LRRK2: variants seen among roughly 807,000 people sequenced by gnomAD.
LRRK2 encodes the protein leucine rich repeat kinase 2, also known as leucine-rich repeat serine/threonine-protein kinase 2.
A neutral mutation model predicts 302.6 loss-of-function variants in LRRK2; 203 were observed. That is an observed-to-expected ratio of 0.67 (90% CI 0.60 to 0.75). The LOEUF (loss-of-function observed/expected upper bound fraction) is 0.75. LRRK2 is among the 30% of genes least tolerant of loss of function. The pLI is 0.00. For synonymous variants in LRRK2, 1,066 were observed against 1,031.9 expected, an observed-to-expected ratio of 1.03 and a Z score of -0.63; for missense variants, 2,830 against 2,951.0, an observed-to-expected ratio of 0.96 and a Z score of 0.95.
chr12:40,240,736 C>A, intron 6 of LRRK2, 119 bp downstream of exon 6: 2 of 1,007,460 alleles, frequency 2.0e-6, no homozygotes, highest in Admixed American at 2.2e-5. Flanking sequence ...TCAACCCATT[C>A]ATTCATTTAT....
At chr12:40,339,095 G>A (rs1188586763) in intron 40 of LRRK2, among the ~76,000 whole-genome samples, 1 of 152,128 alleles carries the variant, frequency 6.6e-6, no homozygotes, top group Non-Finnish European at 1.5e-5. Flanking sequence ...TACTCTCCAG[G>A]CCCTCATACA....
intron 41 of LRRK2, among the ~76,000 whole-genome samples, chr12:40,345,516 G>A (rs761814898): frequency 6.0e-5 from 9 of 150,944 alleles, no homozygotes; most frequent in Non-Finnish European, 4.4e-5. Context: ...CCAGCTACTC[G>A]GGAGGCTGAG....
intron 10 of LRRK2, 126 bp from the exon 11 acceptor site, chr12:40,252,784 G>A (rs1286737665): frequency 1.5e-6 from 1 of 683,748 alleles, no homozygotes; most frequent in Non-Finnish European, 2.7e-6. Context: ...TCTTGTAAGT[G>A]GAGGTGGCAT....
intron 41 of LRRK2, among the ~76,000 whole-genome samples, chr12:40,345,250 T>C (rs1391994972): frequency 6.6e-6 from 1 of 152,208 alleles, no homozygotes; most frequent in Non-Finnish European, 1.5e-5. Context: ...TATTGGGATG[T>C]ATTTCTTCCT....
intron 33 of LRRK2, 137 bp from the exon 34 acceptor site, chr12:40,319,851 A>G: frequency 2.8e-6 from 2 of 709,234 alleles, no homozygotes; most frequent in South Asian, 4.6e-5. Context: ...TGCTAGAGAA[A>G]TTAGGTACTG....
chr12:40,362,385 T>A (rs541469778), intron 47 of LRRK2, among the ~76,000 whole-genome samples: 125 of 152,222 alleles, frequency 8.2e-4, no homozygotes, highest in Non-Finnish European at 1.5e-3. Flanking sequence ...TTTTACATAT[T>A]CCTCGTTGTT....
intron 24 of LRRK2, among the ~76,000 whole-genome samples, chr12:40,298,765 T>G (rs1944479744): frequency 1.6e-5 from 1 of 61,934 alleles, no homozygotes; most frequent in South Asian, 7.6e-4. Context: ...GAGGCGAGAC[T>G]CTGTCTCAAA....
chr12:40,233,883 T>A (rs1355806376), intron 3 of LRRK2, among the ~76,000 whole-genome samples: 1 of 152,240 alleles, frequency 6.6e-6, no homozygotes, highest in East Asian at 1.9e-4. Flanking sequence ...ATTCATTGAA[T>A]GTTTTTGAAG....
At chr12:40,352,889 T>A (rs1233572953) in intron 44 of LRRK2, among the ~76,000 whole-genome samples, 5 of 152,174 alleles carry the variant, frequency 3.3e-5, no homozygotes, top group African/African-American at 1.2e-4. Flanking sequence ...ACAATCTGAT[T>A]TCTGTATCTT....
chr12:40,334,260 A>C (rs1006614610), intron 39 of LRRK2, among the ~76,000 whole-genome samples: 1 of 152,158 alleles, frequency 6.6e-6, no homozygotes, highest in African/African-American at 2.4e-5. Context: ...CACTGTGTGC[A>C]CTGTTTCTGC....
intron 5 of LRRK2, among the ~76,000 whole-genome samples, chr12:40,239,095 A>T (rs1941603819): frequency 6.6e-6 from 1 of 152,180 alleles, no homozygotes; most frequent in Non-Finnish European, 1.5e-5. Context: ...GATAAAAGTA[A>T]ACCTATTATT....
rs988913748 is a variant in LRRK2 at position 40,225,764 on chromosome 12, A to C, written c.237+124A>C. On this transcript the variant is annotated intron_variant, in intron 2 of 50. Transcript: ENST00000298910. ...CAAAATTTGGCTTGAGGAACCTCTGACTGTGATTTTAAGATGGGAATATTG... is the reference window on the plus strand; with the variant it reads ...CAAAATTTGGCTTGAGGAACCTCTGCCTGTGATTTTAAGATGGGAATATTG... 3.8e-6 allele frequency: 3 copies of C among 781,416 alleles called. No individual in the cohort carries two copies. The African/African-American group carries it at 5.2e-5, about 13-fold the overall frequency. The allele number at this position is 781,416 out of a possible 1,614,324, so 48.4% of individuals were successfully genotyped here. A position where few individuals can be genotyped will look rare whatever the true frequency, so the allele number is the denominator to read the frequency against.
intron 23 of LRRK2, among the ~76,000 whole-genome samples, chr12:40,296,558 G>A (rs1468019320): frequency 6.6e-6 from 1 of 151,942 alleles, no homozygotes; most frequent in East Asian, 1.9e-4. Context: ...CCTGATCCTG[G>A]GAGGCAGAGG....
intron 18 of LRRK2, among the ~76,000 whole-genome samples, chr12:40,283,017 A>G (rs530668549): frequency 6.6e-6 from 1 of 151,456 alleles, no homozygotes; most frequent in South Asian, 2.1e-4. Flanking sequence ...AAATGGGAGT[A>G]ATAATTGCTA....
chr12:40,237,903 T>TA, intron 4 of LRRK2, 66 bp from the exon 5 acceptor site: 1 of 1,517,846 alleles, frequency 6.6e-7, no homozygotes, highest in Non-Finnish European at 9.0e-7. Flanking sequence ...TTAATTCATG[T>TA]AAAAATTAAC....
chr12:40,295,289 A>C lies in LRRK2; in HGVS notation c.2879-138A>C, dbSNP rs1944336439. 4.1e-6 allele frequency: 3 copies of C among 738,108 alleles called. No individual in the cohort carries two copies. The African/African-American group carries it at 5.3e-5, about 13-fold the overall frequency. The allele number at this position is 738,108 out of a possible 1,614,324, so 45.7% of individuals were successfully genotyped here. On this transcript the variant is annotated intron_variant, in intron 22 of 50. Transcript: ENST00000298910. ...GTTCATCTCTGCCACTGGAATGTAA[A>C]CTCCATAGTTTGGTTTTCTACTGAA...
In LRRK2 at chr12:40,322,392, G is replaced by T. The variant is rs778789162; in HGVS notation, c.5391G>T (p.Glu1797Asp). The T allele has an allele frequency of 6.8e-6, 11 of 1,613,534 alleles. No homozygotes were observed. In the African/African-American group the frequency reaches 9.3e-5, roughly 14 times the overall value. ...AAGAATGGTTTCCTGGGTTGCTGGA[G>T]ATTGATATTTGTGGTGAAGGAGAAA... ...LMEEWFPGLL[E>D]IDICGEGETL... The change falls in exon 37 of 51, where the codon GAG becomes GAT. Residue 1797 changes from glutamate to aspartate, a missense_variant. Around this residue, in one of 3 missense-constraint regions of LRRK2, gnomAD observed 2,121 missense variants for 2,148.0 expected, o/e 0.99. Coordinates refer to ENST00000298910, the MANE Select transcript of LRRK2 (RefSeq NM_198578.4).
In LRRK2 at chr12:40,303,941, G is replaced by A; in HGVS notation, c.3591-7G>A. 6.2e-7 allele frequency: 1 copy of A among 1,613,254 alleles called. No individual in the cohort carries two copies. The highest frequency in any genetic ancestry group is 8.5e-7 in the Non-Finnish European group (1 of 1,179,428). ...TTGGTTTATGTCTTTTCTGTGTATT[G>A]TTTTAGCTTGCGGTCTTTAGATATG... On this transcript the variant is annotated splice_polypyrimidine_tract_variant and splice_region_variant and intron_variant, in intron 26 of 50. Transcript: ENST00000298910.
At chr12:40,310,280 GA>G (rs34761947) in intron 30 of LRRK2, 150 bp from the exon 31 acceptor site, 1 of 800,198 alleles carries the variant, frequency 1.2e-6, no homozygotes, top group Non-Finnish European at 2.1e-6. Context: ...TAGGTTTAAG[GA>G]AAAAAGGACA....
Sources: allele counts gnomAD v4.1 joint callset (sites outside exome capture counted in the v4.1 genomes callset), GRCh38; gene constraint gnomAD v4.1.1; regional missense constraint gnomAD v4.1.1; transcripts MANE v1.5; gene names NCBI Gene and HGNC (gene_info 2026-07-23, HGNC 2026-07-21).